The following TACC2 variants were observed in gnomAD, a reference collection of about 807,000 sequenced individuals.
TACC2 encodes transforming acidic coiled-coil containing protein 2, also known as transforming acidic coiled-coil-containing protein 2.
TACC2 carries 137 observed loss-of-function variants against 227.3 expected under a neutral mutation model. The observed-to-expected ratio is 0.60, with a 90% confidence interval of 0.52 to 0.69. The LOEUF is 0.69. Among genes scored for constraint, TACC2 ranks in the 30% least tolerant of loss-of-function variants. The probability of loss-of-function intolerance (pLI) is 0.00; values close to 1 mark genes in which losing one functional copy is unlikely to be tolerated. For missense variants in TACC2, 3,470 were observed against 3,694.4 expected (o/e 0.94, Z 1.57); for synonymous variants, 1,523 against 1,487.5 (o/e 1.02, Z -0.55).
intron 7 of TACC2, among the ~76,000 whole-genome samples, chr10:122,186,248 A>T (rs1726125928): frequency 6.6e-6 from 1 of 152,048 alleles, no homozygotes; most frequent in African/African-American, 2.4e-5. Flanking sequence ...AGTTTCTATT[A>T]TATTTTTTAA....
intron 3 of TACC2, among the ~76,000 whole-genome samples, chr10:122,075,430 G>A (rs751634750): frequency 2.0e-5 from 3 of 152,116 alleles, no homozygotes; most frequent in African/African-American, 2.4e-5. Context: ...CAAGGACCTC[G>A]AACACCTTAA....
rs771984054 is a variant in TACC2 at position 122,230,366 on chromosome 10, G to T, written c.8053G>T (p.Ala2685Ser). ...CTGTGGGCAGGAGGAGTTAGAGTTT[G>T]CCATCATGCGGATAGAAGCCCTGAA... Reference protein sequence around the residue: ...AQKLQEELEFAIMRIEALKLA... With the variant: ...AQKLQEELEFSIMRIEALKLA... The change falls in exon 16 of 23, where the codon GCC (alanine) becomes TCC (serine). Residue 2685 changes from alanine to serine, a missense_variant. This residue lies in a region of TACC2 where 345 missense variants were observed against 354.4 expected (regional missense o/e 0.97). Coordinates refer to ENST00000369005, the MANE Select transcript of TACC2 (RefSeq NM_206862.4). The T allele has an allele frequency of 6.2e-7, 1 of 1,614,168 alleles. No individual in the cohort carries two copies. The highest frequency in any genetic ancestry group is 1.1e-5 in the South Asian group (1 of 91,088).
At position 122,215,552 on chromosome 10, in the gene TACC2, T is replaced by G. The variant is rs2095386440; in HGVS notation, c.7344+101T>G. On this transcript the variant is annotated intron_variant, in intron 10 of 22. Coordinates refer to ENST00000369005, the MANE Select transcript of TACC2 (RefSeq NM_206862.4). ...GCTTTCTGCTCATCCCGGGCCTGTT[T>G]CCAAGACCCTCTTCTTGCATTCTGT... 6 of 965,206 alleles carry G rather than the reference T, an allele frequency of 6.2e-6. No individual in the cohort carries two copies. In the Admixed American group the frequency reaches 1.0e-4, roughly 17 times the overall value. 59.8% of individuals were successfully genotyped at this position (965,206 alleles called of 1,614,324 possible).
intron 3 of TACC2, among the ~76,000 whole-genome samples, 197 bp from the exon 4 acceptor site, chr10:122,082,450 G>A (rs1010919627): frequency 2.6e-5 from 4 of 152,056 alleles, no homozygotes; most frequent in Non-Finnish European, 4.4e-5. Context: ...GTTTTTGGGG[G>A]AAACGAGGGC....
rs183032494 is a variant in TACC2, at chr10:122,160,825, A to G, written c.5834+17119A>G. ...GTTTTAAATTGTTTGTAAAGTCAGCATGGAAAGGTCTTCAATGAGGGTCTG... is the reference window on the plus strand; with the variant it reads ...GTTTTAAATTGTTTGTAAAGTCAGCGTGGAAAGGTCTTCAATGAGGGTCTG... On this transcript the variant is annotated intron_variant, in intron 7 of 22. Transcript: ENST00000369005. Among the ~76,000 whole-genome samples, 589 of 152,334 alleles carry G rather than the reference A, an allele frequency of 3.9e-3. 2 individuals are homozygous for G. Among genetic ancestry groups the G allele is most frequent in the African/African-American group, 0.013 (546 of 41,574 alleles).
intron 1 of TACC2, among the ~76,000 whole-genome samples, chr10:121,998,483 G>A (rs1164119258): frequency 2.0e-5 from 3 of 152,084 alleles, no homozygotes; most frequent in Admixed American, 2.0e-4. Flanking sequence ...AGGCAAATTT[G>A]TTCCTGTTAT....
At chr10:122,093,548 A>G (rs188583307) in intron 5 of TACC2, among the ~76,000 whole-genome samples, 2 of 152,342 alleles carry the variant, frequency 1.3e-5, no homozygotes, top group East Asian at 1.9e-4. Context: ...CCGATTTTAT[A>G]TGACATAGGA....
chr10:122,080,086 T>A (rs955489252), intron 3 of TACC2, among the ~76,000 whole-genome samples: 3 of 152,198 alleles, frequency 2.0e-5, no homozygotes. Flanking sequence ...GAAGTCCTGG[T>A]CAGGGTGCTG....
At chr10:122,097,489 C>T (rs932237058) in intron 5 of TACC2, among the ~76,000 whole-genome samples, 30 of 151,458 alleles carry the variant, frequency 2.0e-4, no homozygotes, top group African/African-American at 7.3e-4. Context: ...GGATTTGGGT[C>T]AGCACTCAGT....
At position 122,209,154 on chromosome 10, in the gene TACC2, A is replaced by T. The variant is rs2140994235; in HGVS notation, c.5972-1243A>T. On this transcript the variant is annotated intron_variant, in intron 8 of 22. Coordinates refer to ENST00000369005, the MANE Select transcript of TACC2 (RefSeq NM_206862.4). The surrounding 1 kb of genome is among the most constrained non-coding windows in gnomAD (Gnocchi z 4.5). ...GAAAAGCTGAGAGGAGGCAGCTGGG[A>T]GAGCAGTGAGACTAGGCAAGAGGCA... is the stretch of plus-strand genomic sequence containing the variant. Among the ~76,000 whole-genome samples, 1 of 152,340 alleles carries T rather than the reference A, an allele frequency of 6.6e-6. No individual in the cohort carries two copies. Among genetic ancestry groups the T allele is most frequent in the African/African-American group, 2.4e-5 (1 of 41,580 alleles).
chr10:122,245,328 T>C (rs962833169), intron 19 of TACC2, among the ~76,000 whole-genome samples: 1 of 152,090 alleles, frequency 6.6e-6, no homozygotes, highest in African/African-American at 2.4e-5. Context: ...CATTCTTGCC[T>C]CCCCCGTCTC....
intron 5 of TACC2, among the ~76,000 whole-genome samples, chr10:122,100,874 C>T (rs2082059878): frequency 6.6e-6 from 1 of 152,172 alleles, no homozygotes. Flanking sequence ...GCCCATGTCT[C>T]TGGGTGACCC....
At chr10:122,199,952 A>ACTCCCAAAGG (rs1210198492) in intron 8 of TACC2, among the ~76,000 whole-genome samples, 3 of 151,690 alleles carry the variant, frequency 2.0e-5, no homozygotes, top group Non-Finnish European at 4.4e-5. Flanking sequence ...TGAGCTCATC[A>ACTCCCAAAGG]CCTCCCAAAG....
Position 122,050,356 on chromosome 10 carries a change from G to A in TACC2, c.34-82G>A, listed in dbSNP as rs567269961. 4 of 1,042,138 alleles carry A rather than the reference G, an allele frequency of 3.8e-6. No homozygotes were observed. The East Asian group carries it at 7.5e-5, about 20-fold the overall frequency. The allele number at this position is 1,042,138 out of a possible 1,614,324, so 64.6% of individuals were successfully genotyped here. A position where few individuals can be genotyped will look rare whatever the true frequency, so the allele number is the denominator to read the frequency against. ...ACAACCTTACCTTGAATGCTGTGGT[G>A]GGTGCCCTGTTGATAAATGTTTTTG... is the stretch of plus-strand genomic sequence containing the variant. On this transcript the variant is annotated intron_variant, in intron 2 of 22. Coordinates refer to ENST00000369005, the MANE Select transcript of TACC2 (RefSeq NM_206862.4). This position sits in a 1 kb window ranked among gnomAD's most constrained non-coding sequence, Gnocchi z 4.6.
chr10:122,114,812 G>A (rs961313118), intron 5 of TACC2, among the ~76,000 whole-genome samples: 10 of 152,274 alleles, frequency 6.6e-5, no homozygotes, highest in African/African-American at 1.9e-4. Flanking sequence ...AAATGCTGCC[G>A]CCTCTGTGGA....
Position 122,210,024 on chromosome 10 carries a change from A to G in TACC2, c.5972-373A>G, listed in dbSNP as rs533507884. On this transcript the variant is annotated intron_variant, in intron 8 of 22. Transcript: ENST00000369005. The surrounding 1 kb of genome is among the most constrained non-coding windows in gnomAD (Gnocchi z 4.6). ...TTTATTCGCTATCTTCCCCTGAAGA[A>G]TGTGACTTCCAGGAAGGGAAAGGTT... 4.5e-5 allele frequency: 11 copies of G among 241,762 alleles called. No homozygotes were observed. The South Asian group carries it at 5.7e-4, about 13-fold the overall frequency. 15.0% of individuals were successfully genotyped at this position (241,762 alleles called of 1,614,324 possible).
At chr10:122,042,009 G>A (rs1370905605) in intron 2 of TACC2, among the ~76,000 whole-genome samples, 1 of 151,368 alleles carries the variant, frequency 6.6e-6, no homozygotes, top group Non-Finnish European at 1.5e-5. Context: ...GCAGTGGCGC[G>A]ATCTCGGCTC....
intron 9 of TACC2, among the ~76,000 whole-genome samples, chr10:122,212,197 G>C (rs2095309011): frequency 6.6e-6 from 1 of 152,232 alleles, no homozygotes; most frequent in Non-Finnish European, 1.5e-5. Flanking sequence ...GGAGGCTCAG[G>C]AATGAGAGAT....
At chr10:122,100,317 G>C (rs1409007498) in intron 5 of TACC2, among the ~76,000 whole-genome samples, 1 of 151,828 alleles carries the variant, frequency 6.6e-6, no homozygotes, top group African/African-American at 2.4e-5. Flanking sequence ...GACTGTGACT[G>C]AGTCTAAGAG....
Sources: gnomAD v4.1 joint callset for allele counts (sites outside exome capture counted in the v4.1 genomes callset) on GRCh38, gnomAD v4.1.1 for gene constraint, gnomAD v4.1.1 regional missense constraint, Gnocchi (gnomAD v3.1) non-coding constraint, MANE v1.5 for transcripts, NCBI Gene and HGNC (gene_info 2026-07-23, HGNC 2026-07-21) for gene names.